The following EML4 variants were observed in gnomAD, a reference collection of about 807,000 sequenced individuals.
EML4 encodes the protein EMAP like 4, also known as echinoderm microtubule-associated protein-like 4.
A neutral mutation model predicts 129.0 loss-of-function variants in EML4; 72 were observed. That is an observed-to-expected ratio of 0.56 (90% CI 0.46 to 0.68). EML4 has a LOEUF of 0.68. EML4 is among the 30% of genes least tolerant of loss of function. EML4 has a pLI of 0.00. For synonymous variants in EML4, 532 were observed against 405.0 expected, an observed-to-expected ratio of 1.31 and a Z score of -3.77; for missense variants, 1,363 against 1,190.6, an observed-to-expected ratio of 1.14 and a Z score of -2.13.
At position 42,254,635 on chromosome 2, in the gene EML4, C is replaced by A. The variant is rs539939154; in HGVS notation, c.209-1866C>A. On this transcript the variant is annotated intron_variant, in intron 2 of 22. Transcript: ENST00000318522. ...CTCTTGAGTTTTTTTTTTTTTTTAA[C>A]CTGAAAATAACAAGTGTTGGCAAGA... 1.2e-4 allele frequency among the ~76,000 whole-genome samples: 18 copies of A among 148,666 alleles called. 1 individual carries two copies. Among genetic ancestry groups the A allele is most frequent in the Admixed American group, 1.0e-3 (15 of 15,022 alleles).
At chr2:42,319,642 C>G (rs1009069911) in intron 19 of EML4, 8 of 152,202 alleles carry the variant, frequency 5.3e-5, no homozygotes, top group African/African-American at 1.9e-4. Context: ...TCAACACTGT[C>G]TCTGCTGCTT....
intron 1 of EML4, among the ~76,000 whole-genome samples, chr2:42,172,595 T>A (rs894971843): frequency 6.6e-6 from 1 of 152,312 alleles, no homozygotes; most frequent in African/African-American, 2.4e-5. Flanking sequence ...CCCTTAGGTA[T>A]TATTAATATA....
chr2:42,326,014 T>G (rs1029239352), intron 20 of EML4, 140 bp from the exon 21 acceptor site: 1 of 1,176,434 alleles, frequency 8.5e-7, no homozygotes, highest in Non-Finnish European at 1.1e-6. Context: ...CACTTTCTTT[T>G]CCTTTTTAAA....
At chr2:42,237,996 G>A (rs573723397) in intron 1 of EML4, among the ~76,000 whole-genome samples, 58 of 152,236 alleles carry the variant, frequency 3.8e-4, no homozygotes, top group Non-Finnish European at 6.6e-4. Flanking sequence ...TGTCCATGTG[G>A]GTGTCTGAAA....
chr2:42,296,928 C>T (rs1667991810), intron 13 of EML4, among the ~76,000 whole-genome samples: 1 of 152,180 alleles, frequency 6.6e-6, no homozygotes, highest in Non-Finnish European at 1.5e-5. Context: ...ATAAGTTAGG[C>T]ACTATCTGTA....
intron 1 of EML4, among the ~76,000 whole-genome samples, chr2:42,227,364 C>T (rs1189126066): frequency 6.6e-6 from 1 of 152,088 alleles, no homozygotes; most frequent in Non-Finnish European, 1.5e-5. Flanking sequence ...ACCTCAGCCC[C>T]GCAAAGTGCT....
chr2:42,294,172 A>G (rs974833893), intron 11 of EML4, among the ~76,000 whole-genome samples: 1 of 152,222 alleles, frequency 6.6e-6, no homozygotes, highest in African/African-American at 2.4e-5. Context: ...ATTTTAATGA[A>G]AAAACTAGTA....
At chr2:42,255,000 A>G (rs1676032754) in intron 2 of EML4, among the ~76,000 whole-genome samples, 1 of 152,170 alleles carries the variant, frequency 6.6e-6, no homozygotes. Flanking sequence ...ATTGTACTAT[A>G]TAAAAGAAGC....
intron 1 of EML4, among the ~76,000 whole-genome samples, chr2:42,237,581 A>G (rs1252923787): frequency 6.6e-6 from 1 of 152,128 alleles, no homozygotes; most frequent in East Asian, 1.9e-4. Context: ...CGCTCAGTCA[A>G]AAATCCACGT....
At chr2:42,267,312 A>C (rs1666115103) in intron 6 of EML4, among the ~76,000 whole-genome samples, 1 of 152,226 alleles carries the variant, frequency 6.6e-6, no homozygotes, top group African/African-American at 2.4e-5. Context: ...GGTGAGAGTC[A>C]TTGACTGTAA....
At chr2:42,223,657 G>A (rs1365267425) in intron 1 of EML4, among the ~76,000 whole-genome samples, 1 of 152,048 alleles carries the variant, frequency 6.6e-6, no homozygotes, top group Non-Finnish European at 1.5e-5. Flanking sequence ...GCTTAGCCCA[G>A]ATCTCTAATG....
intron 6 of EML4, 99 bp downstream of exon 6, chr2:42,264,830 A>G: frequency 1.4e-6 from 2 of 1,415,866 alleles, no homozygotes. Context: ...TTATCAGTTC[A>G]TAGTAATCAA....
chr2:42,313,617 T>C (rs12053082), intron 17 of EML4, among the ~76,000 whole-genome samples: 41,514 of 152,048 alleles, frequency 0.27, 6,202 homozygotes, highest in East Asian at 0.56. Context: ...ATATTAGTTA[T>C]AGTGCTTTAA....
chr2:42,170,876 T>C (rs1428098509), intron 1 of EML4, among the ~76,000 whole-genome samples: 1 of 152,260 alleles, frequency 6.6e-6, no homozygotes, highest in East Asian at 1.9e-4. Flanking sequence ...CGAGATGAGA[T>C]GGATTTTTAA....
At chr2:42,304,705 T>C (rs1262345774) in intron 17 of EML4, among the ~76,000 whole-genome samples, 154 bp downstream of exon 17, 1 of 152,266 alleles carries the variant, frequency 6.6e-6, no homozygotes, top group Non-Finnish European at 1.5e-5. Context: ...TAGAATTCAA[T>C]TATTTATTGA....
intron 6 of EML4, among the ~76,000 whole-genome samples, chr2:42,279,633 A>AT (rs1392147863): frequency 7.9e-5 from 12 of 151,040 alleles, no homozygotes; most frequent in Admixed American, 2.6e-4. Context: ...AATTTTTTTT[A>AT]TTTTTTATTT....
intron 1 of EML4, among the ~76,000 whole-genome samples, chr2:42,196,429 T>A (rs1047838416): frequency 2.6e-5 from 4 of 152,184 alleles, no homozygotes; most frequent in Non-Finnish European, 4.4e-5. Context: ...ACACAGCATC[T>A]GTTTCTAAAA....
At chr2:42,290,932 A>G (rs940077607) in intron 11 of EML4, among the ~76,000 whole-genome samples, 1 of 152,204 alleles carries the variant, frequency 6.6e-6, no homozygotes, top group Non-Finnish European at 1.5e-5. Flanking sequence ...AACTGAATAT[A>G]TGTGGAAATA....
chr2:42,268,470 A>T (rs1261113430), intron 6 of EML4, among the ~76,000 whole-genome samples: 3 of 152,060 alleles, frequency 2.0e-5, no homozygotes, highest in Admixed American at 6.6e-5. Flanking sequence ...ACAGGGTCTC[A>T]CTCTGCCACC....
Sources: allele counts gnomAD v4.1 joint callset (sites outside exome capture counted in the v4.1 genomes callset), GRCh38; gene constraint gnomAD v4.1.1; transcripts MANE v1.5; gene names NCBI Gene and HGNC (gene_info 2026-07-23, HGNC 2026-07-21).